Variants in WDPCP observed in about 807,000 individuals in gnomAD.
WDPCP encodes WD repeat containing planar cell polarity effector.
Under a neutral mutation model 93.1 loss-of-function variants are expected in WDPCP, and 71 were observed. The ratio of observed to expected loss-of-function variants is 0.76; its 90% CI spans 0.63 to 0.93. The LOEUF is 0.93. WDPCP is among the 40% of genes least tolerant of loss of function. The pLI, the probability that WDPCP is intolerant of heterozygous loss-of-function variation, is 0.00. For synonymous variants in WDPCP, 315 were observed against 315.0 expected (o/e 1.00, Z 0.00); for missense variants, 844 against 887.4 (o/e 0.95, Z 0.62).
intron 14 of WDPCP, among the ~76,000 whole-genome samples, chr2:63,226,996 A>G (rs950615258): frequency 1.3e-5 from 2 of 151,964 alleles, no homozygotes; most frequent in Admixed American, 6.6e-5. Context: ...AACCTAGAAT[A>G]GCTCCAAACA....
intron 17 of WDPCP, among the ~76,000 whole-genome samples, chr2:63,144,848 C>T (rs1671366431): frequency 6.6e-6 from 1 of 151,988 alleles, no homozygotes; most frequent in African/African-American, 2.4e-5. Flanking sequence ...GTCATATTAC[C>T]AGGGTTTGTT....
chr2:63,623,431 AG>A (rs2106634017), intron 3 of WDPCP, among the ~76,000 whole-genome samples: 1 of 152,292 alleles, frequency 6.6e-6, no homozygotes, highest in South Asian at 2.1e-4. Flanking sequence ...TGTATTCAGG[AG>A]ACCCACCTCG....
At chr2:63,185,391 T>TC (rs1158952037) in intron 14 of WDPCP, among the ~76,000 whole-genome samples, 5 of 151,760 alleles carry the variant, frequency 3.3e-5, no homozygotes, top group Middle Eastern at 3.4e-3. Context: ...GGACAGGACT[T>TC]CCCCCCCTCT....
At chr2:63,571,761 C>T in intron 1 of WDPCP, 1 of 387,128 alleles carries the variant, frequency 2.6e-6, no homozygotes, top group South Asian at 2.0e-5. Flanking sequence ...AACTACAATG[C>T]TTCAACATGA....
intron 2 of WDPCP, among the ~76,000 whole-genome samples, chr2:63,685,649 A>C (rs556713707): frequency 6.6e-6 from 1 of 152,244 alleles, no homozygotes; most frequent in Non-Finnish European, 1.5e-5. Context: ...AAGACACATC[A>C]GAAAAAGAAA....
chr2:63,127,915 G>C (rs574807916), intron 17 of WDPCP, among the ~76,000 whole-genome samples: 27 of 151,978 alleles, frequency 1.8e-4, no homozygotes, highest in Non-Finnish European at 3.7e-4. Context: ...AAGGCGGCTG[G>C]ATCACTTCAG....
intron 2 of WDPCP, among the ~76,000 whole-genome samples, chr2:63,671,004 GA>G (rs1710339457): frequency 6.6e-6 from 1 of 152,210 alleles, no homozygotes; most frequent in Non-Finnish European, 1.5e-5. Context: ...AGAAGGGAAT[GA>G]AAGAGGGGAA....
chr2:63,253,077 A>G (rs1270590737), intron 14 of WDPCP, among the ~76,000 whole-genome samples: 3 of 152,160 alleles, frequency 2.0e-5, no homozygotes, highest in Admixed American at 6.5e-5. Flanking sequence ...ACAGAGACCA[A>G]TGTAACAAAA....
chr2:63,588,824 G>T, upstream of WDPCP: 1 of 600,238 alleles, frequency 1.7e-6, no homozygotes, highest in Non-Finnish European at 2.9e-6. Context: ...AAAAACCTCT[G>T]GTATCGGGAA....
At chr2:63,801,675 T>C (rs1166632754) in intron 2 of WDPCP, among the ~76,000 whole-genome samples, 3 of 152,160 alleles carry the variant, frequency 2.0e-5, no homozygotes, top group Non-Finnish European at 4.4e-5. Flanking sequence ...TACAGAGTGC[T>C]GATTGGTGCA....
At chr2:63,142,238 T>G (rs975550387) in intron 17 of WDPCP, among the ~76,000 whole-genome samples, 5 of 152,346 alleles carry the variant, frequency 3.3e-5, no homozygotes, top group African/African-American at 1.2e-4. Flanking sequence ...AATGTGAGTT[T>G]GTGCCCTTTC....
intron 10 of WDPCP, among the ~76,000 whole-genome samples, chr2:63,399,378 C>T (rs940563520): frequency 7.9e-5 from 12 of 151,786 alleles, no homozygotes; most frequent in Non-Finnish European, 1.6e-4. Context: ...AGCAGGAAGC[C>T]CTCTAAATCC....
chr2:63,390,538 A>G (rs1402358021), intron 10 of WDPCP, among the ~76,000 whole-genome samples: 3 of 152,208 alleles, frequency 2.0e-5, no homozygotes, highest in African/African-American at 7.2e-5. Context: ...AAGGCAAGAA[A>G]TAACTAAGAT....
intron 10 of WDPCP, among the ~76,000 whole-genome samples, chr2:63,382,488 CTT>C (rs1692396675): frequency 6.6e-6 from 1 of 151,860 alleles, no homozygotes; most frequent in African/African-American, 2.4e-5. Flanking sequence ...TTTTTTAAAT[CTT>C]TTCAAAATGG....
intron 14 of WDPCP, among the ~76,000 whole-genome samples, chr2:63,193,160 A>G (rs1675167551): frequency 6.6e-6 from 1 of 152,208 alleles, no homozygotes; most frequent in Non-Finnish European, 1.5e-5. Flanking sequence ...AGGCTGAGTA[A>G]GAACTGAACT....
At chr2:63,575,768 T>G (rs2106518825) in intron 1 of WDPCP, among the ~76,000 whole-genome samples, 1 of 151,724 alleles carries the variant, frequency 6.6e-6, no homozygotes, top group East Asian at 2.0e-4. Flanking sequence ...TACAAACACA[T>G]GTGTGCGTAT....
intron 2 of WDPCP, chr2:63,717,441 C>T: frequency 2.6e-6 from 1 of 383,832 alleles, no homozygotes; most frequent in Non-Finnish European, 5.0e-6. Context: ...AGGCTGCTGC[C>T]CAAAACTAAA....
intron 14 of WDPCP, among the ~76,000 whole-genome samples, chr2:63,235,927 A>T (rs1414196171): frequency 6.6e-6 from 1 of 152,216 alleles, no homozygotes; most frequent in Non-Finnish European, 1.5e-5. Context: ...TCCCCTTAGG[A>T]ACAGGAACAA....
In WDPCP at chr2:63,773,499, TC is replaced by T. The variant is rs1228406090; in HGVS notation, n.308+40122del. 5.3e-5 allele frequency among the ~76,000 whole-genome samples: 8 copies of T among 152,068 alleles called. No homozygotes were observed. The East Asian group carries it at 1.5e-3, about 29-fold the overall frequency. ...TCTGAGGTGCCAGTAGTGCCTTATT[TC>T]TTCATCTAAGTAGACATAACATGGA... On this transcript the variant is annotated intron_variant and non_coding_transcript_variant, in intron 2 of 4. Coordinates refer to the WDPCP transcript ENST00000467687.
Sources: allele counts gnomAD v4.1 joint callset (sites outside exome capture counted in the v4.1 genomes callset), GRCh38; gene constraint gnomAD v4.1.1; transcripts MANE v1.5; gene names NCBI Gene and HGNC (gene_info 2026-07-23, HGNC 2026-07-21).